Variants in DLST observed in about 807,000 individuals in gnomAD.
DLST encodes the protein dihydrolipoyllysine-residue succinyltransferase component of 2-oxoglutarate dehydrogenase complex, mitochondrial.
In DLST, 17 loss-of-function variants were observed where a neutral mutation model predicts 53.1. The ratio of observed to expected loss-of-function variants is 0.32; its 90% confidence interval spans 0.22 to 0.48. DLST has a LOEUF of 0.48. Among genes scored for constraint, DLST ranks in the 20% least tolerant of loss-of-function variants. The pLI, the probability that DLST is intolerant of heterozygous loss-of-function variation, is 0.99. For missense variants in DLST, 512 were observed against 583.9 expected, an observed-to-expected ratio of 0.88 and a Z score of 1.27; for synonymous variants, 206 against 204.8, an observed-to-expected ratio of 1.01 and a Z score of -0.05.
In DLST at chr14:74,901,056, C is replaced by T; in HGVS notation, c.1060-10C>T. ...TGGCTTGATATTTCAATTATGAAAT[C>T]TGTTTTTAGGCCCGAAAGAATGAAC... On this transcript the variant is annotated splice_polypyrimidine_tract_variant and intron_variant, in intron 13 of 14. Coordinates refer to ENST00000334220, the MANE Select transcript of DLST (RefSeq NM_001933.5). The T allele has an allele frequency of 6.2e-7, 1 of 1,612,818 alleles. No individual in the cohort carries two copies. The highest frequency in any genetic ancestry group is 8.5e-7 in the Non-Finnish European group (1 of 1,179,440).
At chr14:74,888,988 TG>T (rs1883803000) in intron 3 of DLST, 106 bp from the exon 4 acceptor site, 2 of 1,125,052 alleles carry the variant, frequency 1.8e-6, no homozygotes, top group East Asian at 4.7e-5. Flanking sequence ...TGGACACCCC[TG>T]GTCAAGAGTC....
intron 6 of DLST, 52 bp downstream of exon 6, chr14:74,890,004 C>G (rs755433786): frequency 3.1e-5 from 48 of 1,544,068 alleles, no homozygotes; most frequent in Middle Eastern, 1.7e-4. Flanking sequence ...CCTTAGTTAA[C>G]CTAATGAAAG....
chr14:74,894,674 T>G (rs1884021285), intron 10 of DLST, among the ~76,000 whole-genome samples: 1 of 151,866 alleles, frequency 6.6e-6, no homozygotes, highest in Admixed American at 6.6e-5. Flanking sequence ...GCCTCCAGAG[T>G]AGCTGGGAAT....
intron 10 of DLST, 105 bp from the exon 11 acceptor site, chr14:74,898,264 G>C: frequency 1.4e-6 from 2 of 1,424,840 alleles, no homozygotes; most frequent in Non-Finnish European, 1.9e-6. Flanking sequence ...TAATGGTCCA[G>C]AGTGAGGGAA....
chr14:74,883,721 CAA>C (rs1021151978), intron 2 of DLST, among the ~76,000 whole-genome samples: 1 of 152,160 alleles, frequency 6.6e-6, no homozygotes, highest in Admixed American at 6.5e-5. Flanking sequence ...TAACCCAAGA[CAA>C]GAGAGCTTAA....
In DLST at chr14:74,885,592, C is replaced by A; in HGVS notation, c.104C>A (p.Ser35Tyr). 2 of 1,614,078 alleles carry A rather than the reference C, an allele frequency of 1.2e-6. No homozygotes were observed. The highest frequency in any genetic ancestry group is 1.7e-6 in the Non-Finnish European group (2 of 1,179,978). The change falls in exon 3 of 15, where the codon TCC (serine) becomes TAC (tyrosine). Residue 35 changes from serine (S) to tyrosine (Y), a missense_variant. Transcript: ENST00000334220. ...PLGRRSLPGVSLCQGPGYPNS... is the reference protein window; with the variant it reads ...PLGRRSLPGVYLCQGPGYPNS... Reference sequence around the variant, plus strand: ...GTTATTTTGTTTCTTGCAGGGGTCTCCTTATGCCAGGGACCAGGTTACCCT... The same window carrying A: ...GTTATTTTGTTTCTTGCAGGGGTCTACTTATGCCAGGGACCAGGTTACCCT...
chr14:74,901,636 C>T (rs543288994), intron 14 of DLST, among the ~76,000 whole-genome samples: 13 of 152,244 alleles, frequency 8.5e-5, no homozygotes, highest in South Asian at 8.3e-4. Context: ...GTAAATTTCC[C>T]GGGAGTTCAG....
chr14:74,902,097 C>G (rs2140205230), intron 14 of DLST, 99 bp from the exon 15 acceptor site: 2 of 1,300,768 alleles, frequency 1.5e-6, no homozygotes, highest in Non-Finnish European at 2.0e-6. Context: ...AGGAAAGGCT[C>G]TGGAATTAGG....
rs1883816640 is a variant in DLST, at chr14:74,889,311, C to T, written c.236C>T (p.Ala79Val). 1.2e-6 allele frequency: 2 copies of T among 1,611,108 alleles called. No individual in the cohort carries two copies. The highest frequency in any genetic ancestry group is 1.7e-6 in the Non-Finnish European group (2 of 1,179,710). The change falls in exon 5 of 15, where the codon GCA becomes GTA. Residue 79 changes from alanine to valine, a missense_variant. Physicochemically the swap from Ala to Val is moderately conservative, Grantham distance 64. Coordinates refer to ENST00000334220, the MANE Select transcript of DLST (RefSeq NM_001933.5). Reference protein sequence around the residue: ...DLVTVKTPAFAESVTEGDVRW... With the variant: ...DLVTVKTPAFVESVTEGDVRW... ...GTTACAGTCAAAACCCCAGCGTTTG[C>T]AGAATCTGTCACAGAGGGAGATGTC...
In DLST at chr14:74,883,831, C is replaced by A. The variant is rs1008392036; in HGVS notation, c.97+1207C>A. On this transcript the variant is annotated intron_variant, in intron 2 of 14. Transcript: ENST00000334220. ...CACCATGTTCTCATTTACTCATGGA[C>A]TCAACAGATCATTTATTGAGTGCTT... 2.6e-5 allele frequency among the ~76,000 whole-genome samples: 4 copies of A among 152,212 alleles called. No individual in the cohort carries two copies. The East Asian group carries it at 7.7e-4, about 29-fold the overall frequency.
chr14:74,887,200 G>GTTCACAA (rs35181943), intron 3 of DLST, among the ~76,000 whole-genome samples: 195 of 152,116 alleles, frequency 1.3e-3, no homozygotes, highest in Middle Eastern at 3.4e-3. Context: ...ATGTTCACAT[G>GTTCACAA]TTCACACTAT....
chr14:74,893,531 C>T lies in DLST; in HGVS notation c.672+107C>T. 4 of 1,218,114 alleles carry T rather than the reference C, an allele frequency of 3.3e-6. No homozygotes were observed. The South Asian group carries it at 5.0e-5, about 15-fold the overall frequency. 75.5% of individuals were successfully genotyped at this position (1,218,114 alleles called of 1,614,324 possible). A position where few individuals can be genotyped will look rare whatever the true frequency, so the allele number is the denominator to read the frequency against. On this transcript the variant is annotated intron_variant, in intron 9 of 14. Transcript: ENST00000334220. ...CTTTGAATGCCTGGCAGCTCATTCCCTCAACCTTGATAAAGGGAGTTTAGG... is the reference window on the plus strand; with the variant it reads ...CTTTGAATGCCTGGCAGCTCATTCCTTCAACCTTGATAAAGGGAGTTTAGG...
At chr14:74,882,709 CATA>C (rs1001826347) in intron 2 of DLST, 85 bp downstream of exon 2, 4 of 1,271,732 alleles carry the variant, frequency 3.1e-6, no homozygotes, top group African/African-American at 1.5e-5. Context: ...CTGTGTTTCT[CATA>C]ATATTTAAAG....
At chr14:74,895,681 C>T (rs552814110) in intron 10 of DLST, among the ~76,000 whole-genome samples, 28 of 152,266 alleles carry the variant, frequency 1.8e-4, no homozygotes, top group African/African-American at 6.5e-4. Context: ...GGGTGGATCA[C>T]ATGAGGCCAG....
At chr14:74,882,142 C>A in intron 1 of DLST, 126 bp downstream of exon 1, 1 of 878,986 alleles carries the variant, frequency 1.1e-6, no homozygotes. Context: ...GACGCGGAGG[C>A]CGCGCGGGCT....
At chr14:74,894,940 AGCCTTG>A (rs1884032118) in intron 10 of DLST, among the ~76,000 whole-genome samples, 1 of 151,950 alleles carries the variant, frequency 6.6e-6, no homozygotes, top group Non-Finnish European at 1.5e-5. Flanking sequence ...CCTTAACCTT[AGCCTTG>A]GCTAGGTGTA....
In DLST at chr14:74,894,419, C is replaced by T; in HGVS notation, c.770+10C>T. 1 of 1,613,750 alleles carries T rather than the reference C, an allele frequency of 6.2e-7. No homozygotes were observed. The highest frequency in any genetic ancestry group is 8.5e-7 in the Non-Finnish European group (1 of 1,179,796). On this transcript the variant is annotated intron_variant, in intron 10 of 14. Coordinates refer to ENST00000334220, the MANE Select transcript of DLST (RefSeq NM_001933.5). ...ATGAGATTGACATGAGGTAGTGTCTCTAGTCCCTCTTATCCCCTAGGCCCC... is the reference window on the plus strand; with the variant it reads ...ATGAGATTGACATGAGGTAGTGTCTTTAGTCCCTCTTATCCCCTAGGCCCC...
At chr14:74,892,736 C>G in intron 7 of DLST, 98 bp from the exon 8 acceptor site, 1 of 1,227,578 alleles carries the variant, frequency 8.1e-7, no homozygotes, top group South Asian at 1.5e-5. Flanking sequence ...AGTAGACATT[C>G]GTTACTTGAT....
At chr14:74,898,313 G>C in intron 10 of DLST, 56 bp from the exon 11 acceptor site, 1 of 1,589,886 alleles carries the variant, frequency 6.3e-7, no homozygotes, top group Non-Finnish European at 8.6e-7. Flanking sequence ...TGAGAAACCT[G>C]TGTGAAAGTC....
Sources: allele counts gnomAD v4.1 joint callset (sites outside exome capture counted in the v4.1 genomes callset), GRCh38; gene constraint gnomAD v4.1.1; transcripts MANE v1.5; gene names NCBI Gene and HGNC (gene_info 2026-07-23, HGNC 2026-07-21).